GPM6A: variants seen among roughly 807,000 people sequenced by gnomAD.
GPM6A encodes neuronal membrane glycoprotein M6-a.
A neutral mutation model predicts 32.1 loss-of-function variants in GPM6A; 7 were observed. The observed-to-expected ratio is 0.22, with a 90% CI of 0.12 to 0.41. The LOEUF (loss-of-function observed/expected upper bound fraction) is 0.41. GPM6A is among the 10% of genes least tolerant of loss of function. The pLI is 1.00. For synonymous variants in GPM6A, 130 were observed against 123.4 expected (o/e 1.05, Z -0.35); for missense variants, 235 against 347.2 (o/e 0.68, Z 2.57).
chr4:175,721,368 C>T (rs563072425), intron 1 of GPM6A, among the ~76,000 whole-genome samples: 112 of 151,146 alleles, frequency 7.4e-4, no homozygotes, highest in African/African-American at 2.4e-3. Context: ...CCCAGCTATT[C>T]GGGAGGCTGA....
intron 1 of GPM6A, among the ~76,000 whole-genome samples, chr4:175,988,202 A>C (rs111857719): frequency 6.6e-6 from 1 of 152,186 alleles, no homozygotes. Context: ...ACTTCAATGC[A>C]CTTCTCTTTG....
chr4:175,923,117 A>G (rs752463806), intron 1 of GPM6A, among the ~76,000 whole-genome samples: 14 of 151,386 alleles, frequency 9.2e-5, no homozygotes, highest in Non-Finnish European at 1.6e-4. Context: ...TTTTCTAGAA[A>G]ATATAAATGC....
intron 1 of GPM6A, among the ~76,000 whole-genome samples, chr4:175,930,163 C>A (rs1738980161): frequency 6.6e-6 from 1 of 152,034 alleles, no homozygotes; most frequent in African/African-American, 2.4e-5. Context: ...ATAGATATAA[C>A]ATTAAGTCGC....
At chr4:175,940,344 G>A (rs1739366588) in intron 1 of GPM6A, among the ~76,000 whole-genome samples, 1 of 152,022 alleles carries the variant, frequency 6.6e-6, no homozygotes, top group Non-Finnish European at 1.5e-5. Flanking sequence ...AATTTTATGA[G>A]AAAAATAATG....
intron 4 of GPM6A, among the ~76,000 whole-genome samples, chr4:175,644,036 A>G (rs1741304448): frequency 6.6e-6 from 1 of 151,884 alleles, no homozygotes. Context: ...AAAAGATCCA[A>G]CAGGGTACTT....
intron 2 of GPM6A, among the ~76,000 whole-genome samples, chr4:175,688,459 A>G (rs1269831486): frequency 3.3e-5 from 5 of 151,844 alleles, no homozygotes; most frequent in Non-Finnish European, 7.4e-5. Flanking sequence ...GAGACTACCT[A>G]TTTGTCATTG....
At chr4:175,778,627 C>CAAAAAAAAA (rs34286041) in intron 1 of GPM6A, among the ~76,000 whole-genome samples, 30 of 75,198 alleles carry the variant, frequency 4.0e-4, no homozygotes, top group Admixed American at 5.9e-4. Context: ...CTGTATCCAA[C>CAAAAAAAAA]AAAAAAAAAA....
chr4:175,768,923 C>A (rs1733080822), intron 1 of GPM6A, among the ~76,000 whole-genome samples: 1 of 152,042 alleles, frequency 6.6e-6, no homozygotes, highest in South Asian at 2.1e-4. Context: ...AGGTGAAACT[C>A]CATCTCTACA....
At chr4:175,903,853 G>A (rs990004056) in intron 1 of GPM6A, among the ~76,000 whole-genome samples, 2 of 151,986 alleles carry the variant, frequency 1.3e-5, no homozygotes, top group African/African-American at 4.8e-5. Flanking sequence ...GAAAAAATTG[G>A]GACAGCCAGC....
chr4:175,778,365 T>A (rs1733476349), intron 1 of GPM6A, among the ~76,000 whole-genome samples: 1 of 151,824 alleles, frequency 6.6e-6, no homozygotes, highest in Non-Finnish European at 1.5e-5. Flanking sequence ...CTAGGTGCGG[T>A]GGCTCATGCC....
chr4:175,651,076 T>G (rs930675640), intron 4 of GPM6A, among the ~76,000 whole-genome samples: 1 of 152,166 alleles, frequency 6.6e-6, no homozygotes, highest in East Asian at 1.9e-4. Context: ...CAGCCTCTGA[T>G]TCAACCTGCG....
chr4:175,690,596 A>G (rs1173934427), intron 2 of GPM6A, among the ~76,000 whole-genome samples: 2 of 152,188 alleles, frequency 1.3e-5, no homozygotes, highest in Non-Finnish European at 2.9e-5. Flanking sequence ...TTCCTTGGCT[A>G]GTGGCCTCTT....
Position 175,975,624 on chromosome 4 carries a change from A to G in GPM6A, c.-23+26685T>C, listed in dbSNP as rs533739559. 7.9e-5 allele frequency among the ~76,000 whole-genome samples: 12 copies of G among 152,320 alleles called. No homozygotes were observed. In the East Asian group the frequency reaches 1.7e-3, roughly 22 times the overall value. ...TGCATTTCTCACCAGTTCCTAACTA[A>G]TTTTTAGAAATATTTAAACACTTAC... On this transcript the variant is annotated intron_variant, in intron 1 of 7. Transcript: ENST00000280187.
chr4:175,851,283 G>A (rs937968879), intron 1 of GPM6A, among the ~76,000 whole-genome samples: 7 of 152,174 alleles, frequency 4.6e-5, no homozygotes, highest in South Asian at 2.1e-4. Flanking sequence ...TCAGGAATTC[G>A]AGACCAGCCT....
chr4:175,828,177 T>C (rs1401205589), intron 1 of GPM6A, among the ~76,000 whole-genome samples: 1 of 152,204 alleles, frequency 6.6e-6, no homozygotes, highest in Admixed American at 6.5e-5. Flanking sequence ...GTCAGTTCTA[T>C]ACTTGCTCAT....
chr4:175,754,181 C>A (rs1274261232), intron 1 of GPM6A, among the ~76,000 whole-genome samples: 1 of 152,118 alleles, frequency 6.6e-6, no homozygotes, highest in Non-Finnish European at 1.5e-5. Context: ...ACTGAGTGAA[C>A]TGTGGTTGAA....
chr4:175,798,749 C>T (rs917370374), intron 1 of GPM6A: 3 of 151,826 alleles, frequency 2.0e-5, no homozygotes, highest in African/African-American at 4.8e-5. Flanking sequence ...AATCCTGAGT[C>T]GATTCTTTTT....
intron 3 of GPM6A, among the ~76,000 whole-genome samples, chr4:175,671,838 G>T (rs1377523450): frequency 6.6e-6 from 1 of 152,132 alleles, no homozygotes; most frequent in Non-Finnish European, 1.5e-5. Context: ...CTCATTCCGG[G>T]GTGTCAGGGA....
At chr4:175,675,804 C>G (rs1743331939) in intron 2 of GPM6A, among the ~76,000 whole-genome samples, 1 of 152,096 alleles carries the variant, frequency 6.6e-6, no homozygotes, top group African/African-American at 2.4e-5. Flanking sequence ...TGTGCACCAC[C>G]ATGCCTTGCA....
Sources: gnomAD v4.1 joint callset for allele counts (sites outside exome capture counted in the v4.1 genomes callset) on GRCh38, gnomAD v4.1.1 for gene constraint, MANE v1.5 for transcripts, NCBI Gene and HGNC (gene_info 2026-07-23, HGNC 2026-07-21) for gene names.